Variants in NOL4L observed in about 807,000 individuals in gnomAD.
NOL4L encodes the protein nucleolar protein 4 like.
NOL4L carries 7 observed loss-of-function variants against 64.5 expected under a neutral mutation model. The ratio of observed to expected loss-of-function variants is 0.11; its 90% CI spans 0.06 to 0.20. NOL4L has a LOEUF of 0.20. Ranked by LOEUF, NOL4L falls within the 10% of genes least tolerant of loss-of-function variation. The pLI, the probability that NOL4L is intolerant of heterozygous loss-of-function variation, is 1.00. For synonymous variants in NOL4L, 413 were observed against 401.0 expected (o/e 1.03, Z -0.36); for missense variants, 680 against 967.1 (o/e 0.70, Z 3.94).
intron 4 of NOL4L, among the ~76,000 whole-genome samples, chr20:32,494,272 AAAAAAAAAAAC>A (rs941099376): frequency 1.9e-4 from 27 of 144,058 alleles, no homozygotes; most frequent in Non-Finnish European, 3.0e-4. Flanking sequence ...AAAAAAAAAA[AAAAAAAAAAAC>A]ACACAACACA....
chr20:32,505,932 C>T (rs946705751), intron 4 of NOL4L, among the ~76,000 whole-genome samples: 2 of 151,780 alleles, frequency 1.3e-5, no homozygotes, highest in Non-Finnish European at 1.5e-5. Flanking sequence ...GTTTCTGTTT[C>T]GGGTGATGAA....
At chr20:32,474,347 C>A (rs1455890894) in intron 5 of NOL4L, among the ~76,000 whole-genome samples, 3 of 152,240 alleles carry the variant, frequency 2.0e-5, no homozygotes, top group Admixed American at 6.5e-5. Context: ...ACCAGGCAGA[C>A]CCCCCGCCCC....
chr20:32,497,438 G>A (rs1008779851), intron 4 of NOL4L, among the ~76,000 whole-genome samples: 1 of 152,184 alleles, frequency 6.6e-6, no homozygotes, highest in Non-Finnish European at 1.5e-5. Flanking sequence ...TTAAGTAGAA[G>A]GCTTGACAAA....
In NOL4L at chr20:32,460,996, G is replaced by A. The variant is rs1471431379; in HGVS notation, c.842-4601C>T. Among the ~76,000 whole-genome samples the A allele has an allele frequency of 2.0e-5, 3 of 152,220 alleles. No individual in the cohort carries two copies. The highest frequency in any genetic ancestry group is 1.9e-4 in the East Asian group (1 of 5,194). ...CTCCCTACCTGCCCCGATCTCCATC[G>A]TGGCACCGGCTGTGGGCCACGGCTC... On this transcript the variant is annotated intron_variant, in intron 5 of 10. Coordinates refer to ENST00000621426, the MANE Select transcript of NOL4L (RefSeq NM_001256798.2). This position sits in a 1 kb window ranked among gnomAD's most constrained non-coding sequence, Gnocchi z 5.7.
chr20:32,567,905 A>G (rs905696488), intron 1 of NOL4L, among the ~76,000 whole-genome samples: 1 of 150,456 alleles, frequency 6.6e-6, no homozygotes, highest in Admixed American at 6.6e-5. Flanking sequence ...CATCTTCATC[A>G]CCATCATTAC....
rs780855810 is a variant in NOL4L, at chr20:32,456,253, G to A, written c.984C>T (p.Ala328=). 4.2e-5 allele frequency: 68 copies of A among 1,605,514 alleles called. No individual in the cohort carries two copies. The highest frequency in any genetic ancestry group is 3.9e-4 in the African/African-American group (29 of 74,582). ...CACACAGGTTGATGGGCTGATCCTC[G>A]GCGGCCGTGGTGAAGTCCATGGGGG... The part of the protein sequence containing the change: ...AVAPMDFTTA[A]EDQPINLCDK... The change falls in exon 6 of 11, where the codon GCC becomes GCT. Residue 328 remains alanine, a synonymous_variant. Transcript: ENST00000621426.
chr20:32,479,874 G>C lies in NOL4L; in HGVS notation c.700-5132C>G, dbSNP rs116856720. ...CTGGGAGCCCTGCCTCTGGGGCAGA[G>C]GGAGAGGAGCTGACCAGACTCTCCC... On this transcript the variant is annotated intron_variant, in intron 4 of 10. Transcript: ENST00000621426. Among the ~76,000 whole-genome samples, 801 of 152,348 alleles carry C rather than the reference G, an allele frequency of 5.3e-3. 3 individuals are homozygous for C. The highest frequency in any genetic ancestry group is 9.0e-3 in the Non-Finnish European group (614 of 68,032).
intron 4 of NOL4L, among the ~76,000 whole-genome samples, chr20:32,504,998 G>T (rs1003830087): frequency 1.3e-5 from 2 of 152,230 alleles, no homozygotes; most frequent in African/African-American, 4.8e-5. Flanking sequence ...TGAACTCCCA[G>T]TTCACCTGGG....
intron 1 of NOL4L, among the ~76,000 whole-genome samples, chr20:32,543,249 C>T (rs376574092): frequency 9.9e-5 from 15 of 152,232 alleles, no homozygotes; most frequent in East Asian, 7.7e-4. Flanking sequence ...TTGAAGGATG[C>T]GTGGCACTTC....
At chr20:32,459,380 A>ATTT (rs35851647) in intron 5 of NOL4L, among the ~76,000 whole-genome samples, 2 of 121,332 alleles carry the variant, frequency 1.6e-5, no homozygotes, top group African/African-American at 3.2e-5. Context: ...CGCTTGGCTA[A>ATTT]TTTTTTTTTT....
intron 5 of NOL4L, among the ~76,000 whole-genome samples, chr20:32,457,194 G>C (rs1170566348): frequency 6.6e-6 from 1 of 152,224 alleles, no homozygotes; most frequent in Non-Finnish European, 1.5e-5. Flanking sequence ...CTTTAACCAG[G>C]GGACCAGACA....
chr20:32,456,498 G>A (rs1238239997), intron 5 of NOL4L, 103 bp from the exon 6 acceptor site: 39 of 1,194,262 alleles, frequency 3.3e-5, no homozygotes, highest in Non-Finnish European at 4.0e-5. Flanking sequence ...GTGTCCCTGG[G>A]TTGGGGTGAG....
intron 4 of NOL4L, among the ~76,000 whole-genome samples, chr20:32,490,134 A>AG (rs2016401344): frequency 7.1e-6 from 1 of 141,136 alleles, no homozygotes; most frequent in African/African-American, 2.8e-5. Context: ...ATCTCAAAAA[A>AG]AAAAAAAAAA....
chr20:32,583,301 C>G (rs1051059143), intron 1 of NOL4L, among the ~76,000 whole-genome samples: 12 of 151,128 alleles, frequency 7.9e-5, no homozygotes, highest in Admixed American at 7.2e-4. Context: ...GGCCCCCTCA[C>G]CCCGCGGGCC....
chr20:32,462,086 G>A (rs1170844197), intron 5 of NOL4L, among the ~76,000 whole-genome samples: 4 of 152,254 alleles, frequency 2.6e-5, no homozygotes, highest in African/African-American at 9.6e-5. Flanking sequence ...CTCCTGCTGC[G>A]ATGGCTGGGA....
At chr20:32,494,793 A>G (rs962832650) in intron 4 of NOL4L, among the ~76,000 whole-genome samples, 3 of 152,252 alleles carry the variant, frequency 2.0e-5, no homozygotes, top group Non-Finnish European at 4.4e-5. Context: ...AAAAGCCTCA[A>G]TAACATCACA....
At chr20:32,533,847 C>T (rs1340558791) in intron 1 of NOL4L, among the ~76,000 whole-genome samples, 1 of 152,176 alleles carries the variant, frequency 6.6e-6, no homozygotes, top group Admixed American at 6.5e-5. Flanking sequence ...AGAGGGGGAT[C>T]GGCATGTCTT....
At position 32,453,029 on chromosome 20, in the gene NOL4L, G is replaced by A. The variant is rs766014578; in HGVS notation, c.1498-23C>T. 2 of 1,611,580 alleles carry A rather than the reference G, an allele frequency of 1.2e-6. No homozygotes were observed. Among genetic ancestry groups the A allele is most frequent in the South Asian group, 2.2e-5 (2 of 91,068 alleles). On this transcript the variant is annotated intron_variant, in intron 8 of 10. Transcript: ENST00000621426. The surrounding 1 kb of genome is among the most constrained non-coding windows in gnomAD (Gnocchi z 5.6). ...GGTCTGCAGGCAGAACGGGGATGGA[G>A]CTAGCATGGGGCCCGTGGGGGCCCT...
At chr20:32,495,753 T>C (rs926190909) in intron 4 of NOL4L, among the ~76,000 whole-genome samples, 18 of 151,658 alleles carry the variant, frequency 1.2e-4, no homozygotes, top group Non-Finnish European at 2.2e-4. Context: ...GCCCAGGAGT[T>C]CAAGACCAGC....
Sources: allele counts gnomAD v4.1 joint callset (sites outside exome capture counted in the v4.1 genomes callset), GRCh38; gene constraint gnomAD v4.1.1; non-coding constraint Gnocchi (gnomAD v3.1); transcripts MANE v1.5; gene names NCBI Gene and HGNC (gene_info 2026-07-23, HGNC 2026-07-21).